The following COL4A5 variants were observed in gnomAD, a reference collection of about 807,000 sequenced individuals.
COL4A5 encodes the protein collagen alpha-5(IV) chain.
COL4A5 carries 26 observed loss-of-function variants against 130.2 expected under a neutral mutation model. The observed-to-expected ratio is 0.20, with a 90% CI of 0.15 to 0.28. The LOEUF (loss-of-function observed/expected upper bound fraction) is 0.28. Ranked by LOEUF, COL4A5 falls within the 10% of genes least tolerant of loss-of-function variation. The pLI, the probability that COL4A5 is intolerant of heterozygous loss-of-function variation, is 1.00. For missense variants in COL4A5, 1,131 were observed against 1,344.3 expected, an observed-to-expected ratio of 0.84 and a Z score of 2.48; for synonymous variants, 496 against 439.6, an observed-to-expected ratio of 1.13 and a Z score of -1.60.
intron 1 of COL4A5, among the ~76,000 whole-genome samples, chrX:108,498,186 T>A (rs2065049992): frequency 8.9e-6 from 1 of 111,779 alleles, no homozygotes; most frequent in Non-Finnish European, 1.9e-5. Flanking sequence ...TGGTGTGAAT[T>A]AGAGGTTGAC....
intron 29 of COL4A5, among the ~76,000 whole-genome samples, chrX:108,610,423 C>T (rs2066812696): frequency 9.0e-6 from 1 of 111,472 alleles, no homozygotes; most frequent in South Asian, 3.7e-4. Context: ...CTTAGATAAG[C>T]TCTTAAAAAA....
chrX:108,555,576 AATT>A (rs745712019), intron 2 of COL4A5, among the ~76,000 whole-genome samples: 207 of 111,534 alleles, frequency 1.9e-3, no homozygotes, highest in Middle Eastern at 9.4e-3. Flanking sequence ...TTTTAATCTC[AATT>A]ATTATTACAG....
At chrX:108,452,888 A>G (rs1249130918) in intron 1 of COL4A5, among the ~76,000 whole-genome samples, 1 of 111,075 alleles carries the variant, frequency 9.0e-6, no homozygotes, top group Non-Finnish European at 1.9e-5. Flanking sequence ...GAGAGAGGGC[A>G]TCCCTGTCTT....
At chrX:108,544,423 G>A (rs1345814443) in intron 2 of COL4A5, among the ~76,000 whole-genome samples, 8 of 112,067 alleles carry the variant, frequency 7.1e-5, no homozygotes, top group African/African-American at 1.3e-4. Context: ...ATTGATTGGC[G>A]TATGTTGAAC....
At chrX:108,489,660 T>C (rs1040892780) in intron 1 of COL4A5, among the ~76,000 whole-genome samples, 2 of 112,217 alleles carry the variant, frequency 1.8e-5, no homozygotes, top group African/African-American at 6.5e-5. Flanking sequence ...ATAATATCAG[T>C]GAAGAGGCAG....
intron 1 of COL4A5, among the ~76,000 whole-genome samples, chrX:108,513,208 G>A (rs2065194025): frequency 9.0e-6 from 1 of 111,006 alleles, no homozygotes; most frequent in African/African-American, 3.3e-5. Flanking sequence ...CAGTTCAGGA[G>A]AATGGCGTGA....
At position 108,638,344 on chromosome X, in the gene COL4A5, CA is replaced by C. The variant is rs1479955370; in HGVS notation, c.3246+12003del. 5.5e-5 allele frequency among the ~76,000 whole-genome samples: 6 copies of C among 108,632 alleles called. No homozygotes were observed. In the East Asian group the frequency reaches 1.2e-3, roughly 21 times the overall value. 94.3% of individuals were successfully genotyped at this position (108,632 alleles called of 115,157 possible). A position where few individuals can be genotyped will look rare whatever the true frequency, so the allele number is the denominator to read the frequency against. On this transcript the variant is annotated intron_variant, in intron 36 of 52. Coordinates refer to ENST00000328300, the MANE Select transcript of COL4A5 (RefSeq NM_033380.3). ...ATCCCACATGATCACTTAATTAATGCAAAAAAAAGCATTTGACAAAATTCAA... is the reference window on the plus strand; with the variant it reads ...ATCCCACATGATCACTTAATTAATGCAAAAAAAGCATTTGACAAAATTCAA...
chrX:108,695,584 A>G (rs751670983), intron 52 of COL4A5, 145 bp downstream of exon 52: 64 of 640,967 alleles, frequency 1.0e-4, no homozygotes, highest in African/African-American at 5.9e-4. Flanking sequence ...TTCTTCTCAT[A>G]TACATGACTC....
chrX:108,526,586 TCCC>T (rs1391956116), intron 1 of COL4A5, among the ~76,000 whole-genome samples: 11 of 52,039 alleles, frequency 2.1e-4, no homozygotes, highest in African/African-American at 1.0e-3. Context: ...CCTCCCTCCC[TCCC>T]TCCCTCCTTT....
At chrX:108,689,910 G>A (rs2068618073) in intron 49 of COL4A5, 1 of 752,891 alleles carries the variant, frequency 1.3e-6, no homozygotes, top group Admixed American at 8.8e-5. Context: ...AAAATTTGGA[G>A]ACTATAACCC....
chrX:108,542,474 G>A lies in COL4A5; in HGVS notation c.141+2669G>A, dbSNP rs373699087. On this transcript the variant is annotated intron_variant, in intron 2 of 52. Coordinates refer to ENST00000328300, the MANE Select transcript of COL4A5 (RefSeq NM_033380.3). ...ATGGCTGCATAGTATTCCATGGTGC[G>A]TATGTGCCACATTTTCTTAATCCAG... Among the ~76,000 whole-genome samples, 48 of 110,909 alleles carry A rather than the reference G, an allele frequency of 4.3e-4. No homozygotes were observed. The East Asian group carries it at 7.4e-3, about 17-fold the overall frequency.
chrX:108,565,509 A>T (rs757956625), intron 4 of COL4A5, among the ~76,000 whole-genome samples: 1 of 112,065 alleles, frequency 8.9e-6, no homozygotes, highest in African/African-American at 3.2e-5. Context: ...AACCATCATC[A>T]TACCTTTAAA....
At chrX:108,504,809 A>G (rs906931877) in intron 1 of COL4A5, among the ~76,000 whole-genome samples, 1 of 112,234 alleles carries the variant, frequency 8.9e-6, no homozygotes, top group African/African-American at 3.2e-5. Flanking sequence ...AATTAGTACA[A>G]CCTCTATGGA....
chrX:108,575,823 G>A, intron 9 of COL4A5, 87 bp from the exon 10 acceptor site: 1 of 654,442 alleles, frequency 1.5e-6, no homozygotes. Flanking sequence ...GGCGACACAA[G>A]TGAGACTTTG....
chrX:108,688,234 T>C (rs1332868822), intron 49 of COL4A5, among the ~76,000 whole-genome samples: 1 of 111,562 alleles, frequency 9.0e-6, no homozygotes. Flanking sequence ...GTATGACATT[T>C]CTGTACAAAA....
chrX:108,601,528 C>CTTT (rs61506795), intron 26 of COL4A5, 43 bp downstream of exon 26: 20 of 578,178 alleles, frequency 3.5e-5, no homozygotes, highest in East Asian at 7.8e-5. Context: ...ACACCGATGG[C>CTTT]TTTTTTTTTT....
rs554320364 is a variant in COL4A5, at chrX:108,493,000, C to G, written c.82-46746C>G. On this transcript the variant is annotated intron_variant, in intron 1 of 52. Coordinates refer to ENST00000328300, the MANE Select transcript of COL4A5 (RefSeq NM_033380.3). ...CAATGCCTGGCTGTCTCACTTGTGT[C>G]TTGTGCTGGATATTTTTATTTGCTG... Among the ~76,000 whole-genome samples the G allele has an allele frequency of 2.7e-5, 3 of 111,319 alleles. No homozygotes were observed. The Middle Eastern group carries it at 0.014, about 515-fold the overall frequency.
intron 23 of COL4A5, 152 bp downstream of exon 23, chrX:108,597,220 A>T (rs980912639): frequency 4.0e-6 from 3 of 754,225 alleles, no homozygotes; most frequent in Non-Finnish European, 6.0e-6. Flanking sequence ...CCTGACTCAC[A>T]TGCCTCACTT....
intron 33 of COL4A5, among the ~76,000 whole-genome samples, chrX:108,623,462 A>C (rs2067096252): frequency 9.1e-6 from 1 of 109,867 alleles, no homozygotes; most frequent in South Asian, 3.7e-4. Context: ...TTTTTTATAG[A>C]AGTATAACAT....
Sources: gnomAD v4.1 joint callset for allele counts (sites outside exome capture counted in the v4.1 genomes callset) on GRCh38, gnomAD v4.1.1 for gene constraint, MANE v1.5 for transcripts, NCBI Gene and HGNC (gene_info 2026-07-23, HGNC 2026-07-21) for gene names.